The following SGK3 variants were observed in gnomAD, a reference collection of about 807,000 sequenced individuals.
The protein encoded by SGK3 is serine/threonine-protein kinase Sgk3.
SGK3 carries 47 observed loss-of-function variants against 68.5 expected under a neutral mutation model. The ratio of observed to expected loss-of-function variants is 0.69; its 90% confidence interval spans 0.54 to 0.87. SGK3 has a LOEUF of 0.87. Ranked by LOEUF, SGK3 falls within the 40% of genes least tolerant of loss-of-function variation. SGK3 has a pLI of 0.00. For synonymous variants in SGK3, 181 were observed against 189.1 expected (o/e 0.96, Z 0.35); for missense variants, 479 against 575.5 (o/e 0.83, Z 1.72).
chr8:66,807,938 T>A (rs1808229849), intron 4 of SGK3, among the ~76,000 whole-genome samples: 1 of 152,160 alleles, frequency 6.6e-6, no homozygotes. Context: ...AAGCTCTTTA[T>A]GTATTTTGCT....
At chr8:66,756,396 G>T (rs1365335385) in intron 1 of SGK3, among the ~76,000 whole-genome samples, 3 of 152,090 alleles carry the variant, frequency 2.0e-5, no homozygotes, top group African/African-American at 7.2e-5. Context: ...TGAAGACTCA[G>T]AGGAGGGTTA....
At chr8:66,767,631 G>A (rs745444446) in intron 1 of SGK3, 86 of 1,371,312 alleles carry the variant, frequency 6.3e-5, no homozygotes, top group Middle Eastern at 1.8e-4. Context: ...CAAAACTCTC[G>A]AAGCCTAGAG....
intron 1 of SGK3, among the ~76,000 whole-genome samples, chr8:66,738,250 C>T (rs1226096452): frequency 6.6e-6 from 1 of 152,088 alleles, no homozygotes; most frequent in Admixed American, 6.6e-5. Flanking sequence ...CCATCTGTAC[C>T]ATTTCTACCA....
chr8:66,743,771 C>T (rs1805548498), intron 1 of SGK3, among the ~76,000 whole-genome samples: 1 of 152,272 alleles, frequency 6.6e-6, no homozygotes, highest in Non-Finnish European at 1.5e-5. Flanking sequence ...CCTCGGCCTC[C>T]CAAAGTGCTG....
chr8:66,835,891 A>G, intron 9 of SGK3, 45 bp downstream of exon 9: 1 of 1,609,468 alleles, frequency 6.2e-7, no homozygotes, highest in Non-Finnish European at 8.5e-7. Flanking sequence ...TTCTCAATTA[A>G]GAGAGCTGTT....
rs897384147 is a variant in SGK3 at position 66,813,869 on chromosome 8, A to G, written c.270A>G (p.Arg90=). The G allele has an allele frequency of 8.3e-6, 13 of 1,575,208 alleles. No homozygotes were observed. Among genetic ancestry groups the G allele is most frequent in the Admixed American group, 1.8e-5 (1 of 54,126 alleles). Residue 90 remains arginine (R), a synonymous_variant, in exon 5 of 17, where the codon AGA becomes AGG. Coordinates refer to ENST00000521198, the MANE Select transcript of SGK3 (RefSeq NM_001033578.3). ...DNFDPDFIKQ[R]RAGLNEFIQN... is the part of the protein sequence containing the mutation. ...CTCTTCCAGATTTTATTAAACAAAG[A>G]CGAGCAGGACTAAACGAATTCATTC...
intron 13 of SGK3, among the ~76,000 whole-genome samples, chr8:66,841,986 T>C (rs927028886): frequency 6.6e-6 from 1 of 152,162 alleles, no homozygotes; most frequent in African/African-American, 2.4e-5. Context: ...GCAAATACAA[T>C]GTTGAAAACG....
chr8:66,797,339 A>G (rs555781893), intron 2 of SGK3, among the ~76,000 whole-genome samples: 6 of 152,292 alleles, frequency 3.9e-5, no homozygotes, highest in African/African-American at 7.2e-5. Context: ...AGTCTTATTC[A>G]GCGTCGCTGG....
intron 8 of SGK3, among the ~76,000 whole-genome samples, chr8:66,833,841 G>A (rs1357071290): frequency 5.9e-5 from 9 of 152,170 alleles, no homozygotes. Flanking sequence ...ACAGGCGTGT[G>A]CCACCACGCC....
chr8:66,847,060 G>T, intron 14 of SGK3, 133 bp from the exon 15 acceptor site: 3 of 1,256,868 alleles, frequency 2.4e-6, no homozygotes, highest in Non-Finnish European at 3.3e-6. Flanking sequence ...AAGCCACACT[G>T]CAGGTGTCTA....
intron 1 of SGK3, among the ~76,000 whole-genome samples, chr8:66,721,072 A>G (rs2130333206): frequency 6.6e-6 from 1 of 152,354 alleles, no homozygotes; most frequent in African/African-American, 2.4e-5. Context: ...AATGGTGGGA[A>G]TAGGTGACCT....
intron 16 of SGK3, among the ~76,000 whole-genome samples, chr8:66,851,945 GA>G (rs1169168251): frequency 1.3e-4 from 20 of 152,122 alleles, no homozygotes; most frequent in Non-Finnish European, 4.4e-5. Flanking sequence ...TTTTATAAAT[GA>G]GGAAATAGAA....
At chr8:66,838,890 C>T (rs1809651720) in intron 10 of SGK3, among the ~76,000 whole-genome samples, 1 of 152,114 alleles carries the variant, frequency 6.6e-6, no homozygotes, top group Non-Finnish European at 1.5e-5. Context: ...TATACTACTT[C>T]ATATCTTTTT....
intron 1 of SGK3, among the ~76,000 whole-genome samples, chr8:66,770,868 C>T (rs1806487592): frequency 6.6e-6 from 1 of 152,160 alleles, no homozygotes; most frequent in South Asian, 2.1e-4. Flanking sequence ...GCCCCATCCT[C>T]TCAACTCAGG....
intron 14 of SGK3, 67 bp downstream of exon 14, chr8:66,843,614 C>T: frequency 1.3e-6 from 2 of 1,502,828 alleles, no homozygotes; most frequent in Non-Finnish European, 9.2e-7. Flanking sequence ...CTGTCTCTCC[C>T]ACCTTAAGAA....
intron 1 of SGK3, among the ~76,000 whole-genome samples, chr8:66,771,964 ATG>A (rs1806524095): frequency 6.6e-6 from 1 of 150,950 alleles, no homozygotes; most frequent in African/African-American, 2.4e-5. Flanking sequence ...TTTGGTTATC[ATG>A]AAGTAACTGG....
intron 1 of SGK3, among the ~76,000 whole-genome samples, chr8:66,745,225 C>T (rs1805619660): frequency 1.3e-5 from 2 of 151,944 alleles, no homozygotes; most frequent in Non-Finnish European, 2.9e-5. Context: ...AGGTTTTCCT[C>T]AAGTGCCTGA....
At chr8:66,719,744 T>C (rs111478144) in intron 1 of SGK3, among the ~76,000 whole-genome samples, 2,520 of 152,358 alleles carry the variant, frequency 0.017, 28 homozygotes, top group Non-Finnish European at 0.027. Context: ...TGCTGACATA[T>C]ATACCATTTT....
intron 4 of SGK3, among the ~76,000 whole-genome samples, chr8:66,806,827 A>G (rs976498302): frequency 2.7e-4 from 41 of 152,092 alleles, no homozygotes; most frequent in African/African-American, 9.2e-4. Flanking sequence ...AAAAAAAAAA[A>G]AAAAGAAAAC....
Sources: gnomAD v4.1 joint callset for allele counts (sites outside exome capture counted in the v4.1 genomes callset) on GRCh38, gnomAD v4.1.1 for gene constraint, MANE v1.5 for transcripts, NCBI Gene and HGNC (gene_info 2026-07-23, HGNC 2026-07-21) for gene names.